The following SLC13A4 variants were observed in gnomAD, a reference collection of about 807,000 sequenced individuals.
SLC13A4 encodes solute carrier family 13 member 4, also known as Na(+)/sulfate cotransporter SUT-1.
SLC13A4 carries 28 observed loss-of-function variants against 72.7 expected under a neutral mutation model. The ratio of observed to expected loss-of-function variants is 0.39; its 90% CI spans 0.29 to 0.53. The LOEUF (loss-of-function observed/expected upper bound fraction) is 0.53, where lower values mean the gene tolerates loss of function less well. Among genes scored for constraint, SLC13A4 ranks in the 20% least tolerant of loss-of-function variants. SLC13A4 has a pLI of 0.78. For synonymous variants in SLC13A4, 312 were observed against 325.5 expected (o/e 0.96, Z 0.45); for missense variants, 653 against 788.0 (o/e 0.83, Z 2.05).
chr7:135,687,064 T>TA (rs1795644686), intron 13 of SLC13A4, among the ~76,000 whole-genome samples: 2 of 151,904 alleles, frequency 1.3e-5, no homozygotes, highest in Non-Finnish European at 2.9e-5. Flanking sequence ...CTCAAAAAAA[T>TA]AAAAAATAAA....
chr7:135,727,370 C>T (rs1403564055), intron 1 of SLC13A4, 28 bp downstream of exon 1: 4 of 1,545,448 alleles, frequency 2.6e-6, no homozygotes, highest in Non-Finnish European at 3.5e-6. Context: ...GACTCCCAGA[C>T]CCCCGGTGGG....
chr7:135,710,824 G>C (rs554009372), intron 2 of SLC13A4, among the ~76,000 whole-genome samples: 145 of 152,266 alleles, frequency 9.5e-4, no homozygotes, highest in Non-Finnish European at 1.7e-3. Context: ...CCATTTCCTG[G>C]GGGGAAAAGC....
chr7:135,690,243 T>C (rs77138913), intron 13 of SLC13A4, among the ~76,000 whole-genome samples: 5,172 of 146,634 alleles, frequency 0.035, 107 homozygotes, highest in Middle Eastern at 0.097. Context: ...TGCATGTAGA[T>C]GAGATGGAGG....
chr7:135,698,785 C>G (rs768282016), intron 8 of SLC13A4, among the ~76,000 whole-genome samples: 1 of 151,870 alleles, frequency 6.6e-6, no homozygotes, highest in African/African-American at 2.4e-5. Flanking sequence ...CAGGTGTGCA[C>G]CACCACACCC....
intron 2 of SLC13A4, 34 bp downstream of exon 2, chr7:135,721,361 C>A (rs1796543434): frequency 6.2e-7 from 1 of 1,611,612 alleles, no homozygotes; most frequent in Non-Finnish European, 8.5e-7. Context: ...CCTGCAGGGA[C>A]CCAGGCAGGG....
At chr7:135,725,184 G>A (rs749339359) in intron 1 of SLC13A4, among the ~76,000 whole-genome samples, 4 of 152,202 alleles carry the variant, frequency 2.6e-5, no homozygotes, top group African/African-American at 4.8e-5. Context: ...GAAAGAGTTC[G>A]AAAGTGGCAT....
At chr7:135,716,017 A>G (rs1048961137) in intron 2 of SLC13A4, among the ~76,000 whole-genome samples, 1 of 152,230 alleles carries the variant, frequency 6.6e-6, no homozygotes, top group Non-Finnish European at 1.5e-5. Flanking sequence ...ATCTAGGGAC[A>G]GGAACACAAG....
In SLC13A4 at chr7:135,691,329, G is replaced by C; in HGVS notation, c.1322-4C>G. ...AGTGAGTGCTCCTGGTTCTCTCCTG[G>C]ATTAGAGAGAGATGTAAAGCCAGAT... On this transcript the variant is annotated splice_polypyrimidine_tract_variant and splice_region_variant and intron_variant, in intron 12 of 15. Coordinates refer to ENST00000682651, the MANE Select transcript of SLC13A4 (RefSeq NM_001318192.2). The C allele has an allele frequency of 3.1e-6, 5 of 1,599,908 alleles. No individual in the cohort carries two copies. Among genetic ancestry groups the C allele is most frequent in the Non-Finnish European group, 4.3e-6 (5 of 1,171,524 alleles).
intron 2 of SLC13A4, among the ~76,000 whole-genome samples, chr7:135,716,037 T>C (rs73454431): frequency 0.022 from 3,425 of 152,260 alleles, 68 homozygotes; most frequent in East Asian, 0.068. Context: ...GGACCACACA[T>C]GGCAACTCAT....
At chr7:135,683,081 C>T (rs1242285755) in intron 15 of SLC13A4, among the ~76,000 whole-genome samples, 1 of 151,904 alleles carries the variant, frequency 6.6e-6, no homozygotes, top group Non-Finnish European at 1.5e-5. Flanking sequence ...GGCAGATCAT[C>T]TGAAGCCAGT....
intron 8 of SLC13A4, among the ~76,000 whole-genome samples, chr7:135,696,357 A>G (rs1252459793): frequency 6.7e-6 from 1 of 149,986 alleles, no homozygotes; most frequent in Non-Finnish European, 1.5e-5. Context: ...TTTTATTTTT[A>G]TTTTTTTTTG....
rs1368729374 is a variant in SLC13A4, at chr7:135,692,360, G to A, written c.1186C>T (p.Pro396Ser). Reference sequence around the variant, plus strand: ...GAATCCCAGCCAGGGACAAAGCCAGGCTCCCGGGTAAACCACAGTACGGTC... The same window carrying A: ...GAATCCCAGCCAGGGACAAAGCCAGACTCCCGGGTAAACCACAGTACGGTC... The part of the protein sequence containing the change: ...LMTVLWFTRE[P>S]GFVPGWDSFF... Residue 396 changes from proline to serine, a missense_variant, in exon 11 of 16, where the codon CCT becomes TCT. Physicochemically the swap from Pro to Ser is moderately conservative, Grantham distance 74 (BLOSUM62 -1). Transcript: ENST00000682651. 6.2e-7 allele frequency: 1 copy of A among 1,613,962 alleles called. No homozygotes were observed. The highest frequency in any genetic ancestry group is 2.2e-5 in the East Asian group (1 of 44,882).
At chr7:135,706,513 C>G (rs543914899) in intron 3 of SLC13A4, among the ~76,000 whole-genome samples, 1 of 152,376 alleles carries the variant, frequency 6.6e-6, no homozygotes, top group South Asian at 2.1e-4. Context: ...ATGAATCACA[C>G]TTCATGGACT....
intron 13 of SLC13A4, among the ~76,000 whole-genome samples, chr7:135,690,550 T>C (rs1483716132): frequency 6.6e-6 from 1 of 152,196 alleles, no homozygotes; most frequent in East Asian, 1.9e-4. Context: ...TACCTATGTC[T>C]ATCTCCTGTT....
chr7:135,692,692 C>G (rs1053900135), intron 10 of SLC13A4: 1 of 389,574 alleles, frequency 2.6e-6, no homozygotes, highest in Non-Finnish European at 4.6e-6. Context: ...ATTTCAAATA[C>G]AGCCTACAAG....
chr7:135,727,065 C>T (rs944476207), intron 1 of SLC13A4, among the ~76,000 whole-genome samples: 1 of 152,212 alleles, frequency 6.6e-6, no homozygotes, highest in Non-Finnish European at 1.5e-5. Context: ...TGCACCATGT[C>T]GTTTGCATGG....
At position 135,688,120 on chromosome 7, in the gene SLC13A4, C is replaced by T. The variant is rs567916694; in HGVS notation, c.1447-2437G>A. ...CCTCCCAAGTAGCTGGGATTACAGG[C>T]GCGTGCCACCACACCCGGCTAATTT... On this transcript the variant is annotated intron_variant, in intron 13 of 15. Coordinates refer to ENST00000682651, the MANE Select transcript of SLC13A4 (RefSeq NM_001318192.2). 1.9e-4 allele frequency among the ~76,000 whole-genome samples: 29 copies of T among 149,976 alleles called. No homozygotes were observed. In the East Asian group the frequency reaches 2.8e-3, roughly 14 times the overall value.
chr7:135,720,563 A>AAC (rs1354625226), intron 2 of SLC13A4, among the ~76,000 whole-genome samples: 12 of 150,640 alleles, frequency 8.0e-5, no homozygotes, highest in African/African-American at 2.5e-4. Flanking sequence ...TTAAAAAAAA[A>AAC]AAAAAAAAAA....
rs3112336 is a variant in SLC13A4 at position 135,692,703 on chromosome 7, G to C, written c.1122-279C>G. The C allele has an allele frequency of 4.2e-3, 1,503 of 356,562 alleles. 23 individuals are homozygous for C. The highest frequency in any genetic ancestry group is 0.03 in the African/African-American group (1,416 of 46,760). The allele number at this position is 356,562 out of a possible 1,614,324, so 22.1% of individuals were successfully genotyped here. On this transcript the variant is annotated intron_variant, in intron 10 of 15. Coordinates refer to ENST00000682651, the MANE Select transcript of SLC13A4 (RefSeq NM_001318192.2). ...AATAATTTCAAATACAGCCTACAAG[G>C]AGAGTGCAGTGAAATAGGCAGCCCC...
Sources: allele counts gnomAD v4.1 joint callset (sites outside exome capture counted in the v4.1 genomes callset), GRCh38; gene constraint gnomAD v4.1.1; transcripts MANE v1.5; gene names NCBI Gene and HGNC (gene_info 2026-07-23, HGNC 2026-07-21).